RNF17: variants seen among roughly 807,000 people sequenced by gnomAD.
The protein encoded by RNF17 is spermatogenesis associated 23.
In RNF17, 31 loss-of-function variants were observed where a neutral mutation model predicts 200.5. That is an observed-to-expected ratio of 0.15 (90% CI 0.12 to 0.21). RNF17 has a LOEUF of 0.21. Ranked by LOEUF, RNF17 falls within the 10% of genes least tolerant of loss-of-function variation. RNF17 has a pLI of 1.00. For missense variants in RNF17, 1,628 were observed against 1,905.1 expected, an observed-to-expected ratio of 0.85 and a Z score of 2.71; for synonymous variants, 606 against 637.8, an observed-to-expected ratio of 0.95 and a Z score of 0.75.
chr13:24,859,245 AG>A, intron 26 of RNF17, 81 bp downstream of exon 26: 4 of 996,520 alleles, frequency 4.0e-6, no homozygotes, highest in Non-Finnish European at 5.5e-6. Context: ...AACACGAGAA[AG>A]TTGGATTAAA....
At chr13:24,841,238 T>TA (rs1428547906) in intron 18 of RNF17, among the ~76,000 whole-genome samples, 3 of 152,192 alleles carry the variant, frequency 2.0e-5, no homozygotes, top group African/African-American at 7.2e-5. Flanking sequence ...TGGTTTGTCC[T>TA]AAAAAACATG....
intron 24 of RNF17, among the ~76,000 whole-genome samples, chr13:24,852,477 A>G (rs1892049802): frequency 6.6e-6 from 1 of 152,040 alleles, no homozygotes; most frequent in Non-Finnish European, 1.5e-5. Flanking sequence ...GGTATGTTGG[A>G]ATTGGAGACA....
At chr13:24,844,045 A>G in intron 20 of RNF17, 74 bp downstream of exon 20, 2 of 489,180 alleles carry the variant, frequency 4.1e-6, no homozygotes. Flanking sequence ...TCAAAGATCT[A>G]GAAGTCATAA....
At chr13:24,748,475 A>G in the RNF17 span, among the ~76,000 whole-genome samples, 1 of 152,234 alleles carries the variant, frequency 6.6e-6, no homozygotes. Context: ...CAAAAACAAC[A>G]AAAAGGATTT....
chr13:24,761,176 T>G (rs911091895), upstream of RNF17, among the ~76,000 whole-genome samples: 1 of 152,218 alleles, frequency 6.6e-6, no homozygotes, highest in Non-Finnish European at 1.5e-5. Context: ...AATTCTGGCT[T>G]GGTGTTATTC....
chr13:24,871,645 T>C (rs1458990549), intron 32 of RNF17, among the ~76,000 whole-genome samples: 1 of 143,892 alleles, frequency 6.9e-6, no homozygotes, highest in African/African-American at 2.6e-5. Context: ...TTTTTTTTTT[T>C]TTTTTGGAGA....
the RNF17 span, chr13:24,886,053 A>G: frequency 2.8e-6 from 1 of 363,464 alleles, no homozygotes. Flanking sequence ...CCTTGTGGCT[A>G]TGGTATAAAC....
intron 19 of RNF17, among the ~76,000 whole-genome samples, chr13:24,843,480 T>G (rs1432677911): frequency 1.3e-5 from 2 of 152,098 alleles, no homozygotes. Context: ...ATCACATCAC[T>G]GCACTTCAGC....
At chr13:24,777,905 G>A (rs1304474761) in intron 3 of RNF17, among the ~76,000 whole-genome samples, 2 of 151,858 alleles carry the variant, frequency 1.3e-5, no homozygotes, top group Non-Finnish European at 2.9e-5. Context: ...ATTTTTTATG[G>A]TAAAATCTGA....
At chr13:24,759,079 C>CAA in the RNF17 span, among the ~76,000 whole-genome samples, 2,775 of 64,580 alleles carry the variant, frequency 0.043, 94 homozygotes, top group Admixed American at 0.12. Context: ...ACTGTGTCTC[C>CAA]AAAAAAAAAA....
chr13:24,785,403 G>C (rs1045374688), intron 6 of RNF17, among the ~76,000 whole-genome samples: 2 of 152,116 alleles, frequency 1.3e-5, no homozygotes, highest in African/African-American at 4.8e-5. Flanking sequence ...TTATTTCTAG[G>C]TCATTCCATT....
chr13:24,879,076 C>CA (rs1463683553), intron 34 of RNF17, 111 bp from the exon 35 acceptor site: 11 of 701,794 alleles, frequency 1.6e-5, no homozygotes, highest in Non-Finnish European at 2.2e-5. Context: ...CATAAATTAT[C>CA]AATAGGCCCC....
intron 33 of RNF17, among the ~76,000 whole-genome samples, chr13:24,876,734 G>A (rs181116756): frequency 6.6e-5 from 10 of 152,198 alleles, no homozygotes; most frequent in Admixed American, 1.3e-4. Flanking sequence ...AGTAATGTCC[G>A]TGTTTATGTG....
chr13:24,794,249 T>C (rs1446759274), intron 10 of RNF17: 4 of 456,380 alleles, frequency 8.8e-6, no homozygotes, highest in South Asian at 6.2e-5. Context: ...AAGCAGATAC[T>C]GTAACAACTG....
intron 5 of RNF17, among the ~76,000 whole-genome samples, chr13:24,780,075 C>G (rs992100631): frequency 2.0e-5 from 3 of 152,312 alleles, no homozygotes; most frequent in Admixed American, 6.5e-5. Flanking sequence ...GTCTCTTTCT[C>G]TCTTCCTACT....
intron 14 of RNF17, chr13:24,803,950 G>T: frequency 7.9e-6 from 2 of 254,310 alleles, no homozygotes; most frequent in Non-Finnish European, 1.5e-5. Flanking sequence ...CCTTCCTTTA[G>T]ATCAAGTCAC....
chr13:24,872,822 G>T (rs1427544647), intron 32 of RNF17, among the ~76,000 whole-genome samples: 1 of 129,054 alleles, frequency 7.7e-6, no homozygotes, highest in African/African-American at 2.8e-5. Flanking sequence ...ATGTGTTCCC[G>T]ATGTTTATGA....
At chr13:24,856,136 T>C (rs867578701) in intron 25 of RNF17, among the ~76,000 whole-genome samples, 14 of 152,026 alleles carry the variant, frequency 9.2e-5, no homozygotes, top group African/African-American at 3.1e-4. Context: ...AAATCCTTTC[T>C]TGGGCCAGGC....
rs926043541 is a variant in RNF17 at position 24,845,216 on chromosome 13, G to A, written c.3101+137G>A. ...TGGACTTCAAGAGGGAAAGAGAGAA[G>A]TTTGGAGCACGTAAATTTAGTGGCA... On this transcript the variant is annotated intron_variant, in intron 22 of 35. Coordinates refer to ENST00000255324, the MANE Select transcript of RNF17 (RefSeq NM_031277.3). The A allele has an allele frequency of 2.6e-5, 15 of 579,434 alleles. No homozygotes were observed. The African/African-American group carries it at 2.8e-4, about 11-fold the overall frequency. 35.9% of individuals were successfully genotyped at this position (579,434 alleles called of 1,614,324 possible). A position where few individuals can be genotyped will look rare whatever the true frequency, so the allele number is the denominator to read the frequency against.
Sources: gnomAD v4.1 joint callset for allele counts (sites outside exome capture counted in the v4.1 genomes callset) on GRCh38, gnomAD v4.1.1 for gene constraint, MANE v1.5 for transcripts, NCBI Gene and HGNC (gene_info 2026-07-23, HGNC 2026-07-21) for gene names.